SSBP2: variants seen among roughly 807,000 people sequenced by gnomAD.
SSBP2 encodes single-stranded DNA-binding protein 2.
SSBP2 carries 17 observed loss-of-function variants against 61.8 expected under a neutral mutation model. The ratio of observed to expected loss-of-function variants is 0.28; its 90% CI spans 0.19 to 0.41. The LOEUF (loss-of-function observed/expected upper bound fraction) is 0.41. Ranked by LOEUF, SSBP2 falls within the 10% of genes least tolerant of loss-of-function variation. The pLI is 1.00. For missense variants in SSBP2, 310 were observed against 458.7 expected (o/e 0.68, Z 2.96); for synonymous variants, 139 against 141.3 (o/e 0.98, Z 0.12).
intron 8 of SSBP2, 39 bp from the exon 9 acceptor site, chr5:81,467,104 G>T: frequency 7.4e-7 from 1 of 1,356,588 alleles, no homozygotes; most frequent in Non-Finnish European, 1.0e-6. Context: ...AGAGGAGGGG[G>T]GAAAGAAAGG....
rs16899013 is a variant in SSBP2 at position 81,642,445 on chromosome 5, T to C, written c.136-5827A>G. Among the ~76,000 whole-genome samples the C allele has an allele frequency of 1.4e-4, 21 of 152,328 alleles. No homozygotes were observed. In the East Asian group the frequency reaches 3.5e-3, roughly 25 times the overall value. On this transcript the variant is annotated intron_variant, in intron 2 of 16. Transcript: ENST00000320672. ...TCCTAATGCCATATTCTGCACTTCATGGCCTTGTCTATGAATATGCTGTTT... is the reference window on the plus strand; with the variant it reads ...TCCTAATGCCATATTCTGCACTTCACGGCCTTGTCTATGAATATGCTGTTT...
intron 4 of SSBP2, among the ~76,000 whole-genome samples, chr5:81,554,393 A>G (rs1772435809): frequency 6.6e-6 from 1 of 151,536 alleles, no homozygotes; most frequent in South Asian, 2.1e-4. Context: ...GGAATGGCTG[A>G]ATAAAATAAT....
At chr5:81,462,102 C>T (rs550937770) in intron 9 of SSBP2, among the ~76,000 whole-genome samples, 20 of 152,158 alleles carry the variant, frequency 1.3e-4, no homozygotes, top group African/African-American at 4.6e-4. Flanking sequence ...CCTTGGGCCA[C>T]ACTGGAAGAA....
intron 4 of SSBP2, among the ~76,000 whole-genome samples, chr5:81,559,909 A>C (rs1324453668): frequency 6.6e-6 from 1 of 152,180 alleles, no homozygotes; most frequent in East Asian, 1.9e-4. Flanking sequence ...GTCCATAAGT[A>C]ATCTAAAATT....
At chr5:81,595,632 G>C (rs1307909337) in intron 4 of SSBP2, among the ~76,000 whole-genome samples, 1 of 152,146 alleles carries the variant, frequency 6.6e-6, no homozygotes, top group Non-Finnish European at 1.5e-5. Context: ...ACATCAAAAA[G>C]CTTATCCACT....
At chr5:81,489,422 G>T in intron 5 of SSBP2, 113 bp from the exon 6 acceptor site, 1 of 844,932 alleles carries the variant, frequency 1.2e-6, no homozygotes, top group Non-Finnish European at 1.8e-6. Flanking sequence ...ACAAATCAAT[G>T]TACTTTGAGG....
At chr5:81,750,591 C>T (rs1380372205) in intron 1 of SSBP2, 1 of 207,810 alleles carries the variant, frequency 4.8e-6, no homozygotes. Context: ...TTCCTCCACG[C>T]AGCTGCCCCT....
At chr5:81,692,462 A>G (rs1753278623) in intron 1 of SSBP2, among the ~76,000 whole-genome samples, 1 of 152,192 alleles carries the variant, frequency 6.6e-6, no homozygotes. Context: ...AATGCAATCC[A>G]TATTAAAATA....
chr5:81,658,417 T>TGA (rs1750412257), intron 1 of SSBP2, among the ~76,000 whole-genome samples: 1 of 152,128 alleles, frequency 6.6e-6, no homozygotes, highest in Non-Finnish European at 1.5e-5. Flanking sequence ...AATCCACAGA[T>TGA]GCTCAAGTCC....
intron 1 of SSBP2, among the ~76,000 whole-genome samples, chr5:81,724,937 A>C (rs1561731771): frequency 6.6e-6 from 1 of 152,216 alleles, no homozygotes; most frequent in Non-Finnish European, 1.5e-5. Flanking sequence ...TGGACAAAGG[A>C]TATAAATAGC....
chr5:81,638,923 T>G (rs73135638), intron 2 of SSBP2, among the ~76,000 whole-genome samples: 1 of 152,240 alleles, frequency 6.6e-6, no homozygotes, highest in African/African-American at 2.4e-5. Flanking sequence ...TGAGTTATCA[T>G]GTATACCAAA....
intron 1 of SSBP2, among the ~76,000 whole-genome samples, chr5:81,693,674 AATAACAAATGC>A (rs1262730613): frequency 6.6e-6 from 1 of 152,230 alleles, no homozygotes; most frequent in Non-Finnish European, 1.5e-5. Flanking sequence ...AAAGACAGGC[AATAACAAATGC>A]TGGAGAGGAT....
chr5:81,493,296 A>AGATG (rs925799819), intron 5 of SSBP2, among the ~76,000 whole-genome samples: 3 of 148,246 alleles, frequency 2.0e-5, no homozygotes, highest in African/African-American at 7.6e-5. Flanking sequence ...ATAGATAGAT[A>AGATG]GATAGATTAA....
chr5:81,659,785 A>G (rs942580976), intron 1 of SSBP2, among the ~76,000 whole-genome samples: 5 of 152,232 alleles, frequency 3.3e-5, no homozygotes, highest in Middle Eastern at 3.4e-3. Flanking sequence ...GCTATAGTAT[A>G]GCAAAACGGC....
chr5:81,414,632 A>G lies in SSBP2; in HGVS notation c.*5872T>C, dbSNP rs1458820181. 2 of 152,338 alleles carry G rather than the reference A, an allele frequency of 1.3e-5. No individual in the cohort carries two copies. The highest frequency in any genetic ancestry group is 3.9e-4 in the East Asian group (2 of 5,192). 9.4% of individuals were successfully genotyped at this position (152,338 alleles called of 1,614,324 possible). ...TGTGTAACACCTTGTAGTATCAGTG[A>G]AGTGGCTGAGAATTAAATGATCACT... On this transcript the variant is annotated 3_prime_UTR_variant, in exon 17 of 17. Coordinates refer to ENST00000320672, the MANE Select transcript of SSBP2 (RefSeq NM_012446.5).
At chr5:81,646,297 G>A (rs1749260295) in intron 2 of SSBP2, among the ~76,000 whole-genome samples, 1 of 152,044 alleles carries the variant, frequency 6.6e-6, no homozygotes, top group African/African-American at 2.4e-5. Context: ...CTTGAACCAG[G>A]GTGAGAACAT....
chr5:81,705,004 T>C (rs1188456226), intron 1 of SSBP2, among the ~76,000 whole-genome samples: 1 of 152,040 alleles, frequency 6.6e-6, no homozygotes. Context: ...AGAAGGTTTT[T>C]ATAGCACATA....
At chr5:81,726,443 C>T (rs1446323786) in intron 1 of SSBP2, among the ~76,000 whole-genome samples, 3 of 152,092 alleles carry the variant, frequency 2.0e-5, no homozygotes, top group Non-Finnish European at 4.4e-5. Flanking sequence ...GCTCACAAAC[C>T]GGCAAGTGAA....
At chr5:81,559,565 A>G (rs908168849) in intron 4 of SSBP2, among the ~76,000 whole-genome samples, 2 of 151,892 alleles carry the variant, frequency 1.3e-5, no homozygotes, top group Non-Finnish European at 2.9e-5. Context: ...TATTTATAAT[A>G]TTATAAGAAA....
Sources: allele counts gnomAD v4.1 joint callset (sites outside exome capture counted in the v4.1 genomes callset), GRCh38; gene constraint gnomAD v4.1.1; transcripts MANE v1.5; gene names NCBI Gene and HGNC (gene_info 2026-07-23, HGNC 2026-07-21).